NEGR1: variants seen among roughly 807,000 people sequenced by gnomAD.
NEGR1 encodes the protein IgLON family member 4.
In NEGR1, 10 loss-of-function variants were observed where a neutral mutation model predicts 40.9. The ratio of observed to expected loss-of-function variants is 0.24; its 90% CI spans 0.15 to 0.42. NEGR1 has a LOEUF of 0.42. NEGR1 is among the 10% of genes least tolerant of loss of function. The pLI is 1.00. For missense variants in NEGR1, 352 were observed against 438.9 expected (o/e 0.80, Z 1.77); for synonymous variants, 185 against 166.8 (o/e 1.11, Z -0.84).
intron 1 of NEGR1, among the ~76,000 whole-genome samples, chr1:72,079,857 A>G (rs1196012075): frequency 6.6e-6 from 1 of 152,134 alleles, no homozygotes; most frequent in Non-Finnish European, 1.5e-5. Context: ...CATTTAATAT[A>G]TATTTGTTAT....
chr1:71,707,736 C>G (rs1368932090), intron 3 of NEGR1, among the ~76,000 whole-genome samples: 1 of 152,060 alleles, frequency 6.6e-6, no homozygotes, highest in Non-Finnish European at 1.5e-5. Context: ...CTTATGCAAT[C>G]ATAGTGGTGG....
chr1:71,484,135 C>T (rs1482409946), intron 6 of NEGR1, among the ~76,000 whole-genome samples: 1 of 151,672 alleles, frequency 6.6e-6, no homozygotes, highest in Non-Finnish European at 1.5e-5. Flanking sequence ...TTGCAAATAT[C>T]AGCTTTTCAT....
intron 1 of NEGR1, among the ~76,000 whole-genome samples, chr1:72,201,848 C>A (rs980477244): frequency 6.6e-6 from 1 of 151,824 alleles, no homozygotes; most frequent in African/African-American, 2.4e-5. Flanking sequence ...ATCAACCAAC[C>A]TTAATATGAC....
intron 6 of NEGR1, among the ~76,000 whole-genome samples, chr1:71,590,018 A>G (rs545562848): frequency 6.6e-6 from 1 of 152,186 alleles, no homozygotes; most frequent in South Asian, 2.1e-4. Flanking sequence ...ATTGTTTCAT[A>G]CTGCCATGTC....
chr1:71,479,712 T>C (rs768338936), intron 6 of NEGR1, among the ~76,000 whole-genome samples: 3 of 152,006 alleles, frequency 2.0e-5, no homozygotes, highest in Non-Finnish European at 4.4e-5. Flanking sequence ...TCTTTATTTA[T>C]AGGTATTAGA....
chr1:72,029,529 A>C (rs1181306754), intron 1 of NEGR1, among the ~76,000 whole-genome samples: 1 of 152,210 alleles, frequency 6.6e-6, no homozygotes, highest in South Asian at 2.1e-4. Context: ...GTGTGCCTGT[A>C]ACGGAGTCAT....
intron 1 of NEGR1, among the ~76,000 whole-genome samples, chr1:72,247,266 T>G (rs1654932547): frequency 1.3e-5 from 2 of 152,214 alleles, no homozygotes; most frequent in South Asian, 4.1e-4. Flanking sequence ...TTAAATTTCT[T>G]TAAAGAAAAA....
At position 72,163,344 on chromosome 1, in the gene NEGR1, C is replaced by G. The variant is rs185621783; in HGVS notation, c.176+118975G>C. Reference sequence around the variant, plus strand: ...TATGACGTGAAGTTAACAATAAAATCTTTTTATTAACTACTGTATGCATTT... The same window carrying G: ...TATGACGTGAAGTTAACAATAAAATGTTTTTATTAACTACTGTATGCATTT... On this transcript the variant is annotated intron_variant, in intron 1 of 6. Transcript: ENST00000357731. Among the ~76,000 whole-genome samples, 3 of 152,188 alleles carry G rather than the reference C, an allele frequency of 2.0e-5. No individual in the cohort carries two copies. In the East Asian group the frequency reaches 5.8e-4, roughly 29 times the overall value.
chr1:72,110,446 C>G (rs1649316086), intron 1 of NEGR1, among the ~76,000 whole-genome samples: 1 of 151,428 alleles, frequency 6.6e-6, no homozygotes, highest in Non-Finnish European at 1.5e-5. Context: ...AAGAAAGAGT[C>G]TTTCTTAGGT....
chr1:72,255,451 C>CTTCA (rs1410096362), intron 1 of NEGR1, among the ~76,000 whole-genome samples: 1 of 151,698 alleles, frequency 6.6e-6, no homozygotes, highest in Non-Finnish European at 1.5e-5. Context: ...ACAACAGTAT[C>CTTCA]TTCATTCATC....
intron 2 of NEGR1, among the ~76,000 whole-genome samples, chr1:71,864,501 A>G (rs766768330): frequency 2.5e-4 from 38 of 152,206 alleles, no homozygotes; most frequent in Non-Finnish European, 5.1e-4. Flanking sequence ...AATTGTGACT[A>G]AAGTAATTTT....
At chr1:72,168,066 C>T (rs927522681) in intron 1 of NEGR1, among the ~76,000 whole-genome samples, 12 of 150,284 alleles carry the variant, frequency 8.0e-5, no homozygotes, top group African/African-American at 2.7e-4. Flanking sequence ...AGTGCAGTGG[C>T]GTGATCTCGG....
In NEGR1 at chr1:71,448,052, A is replaced by G. The variant is rs1211773051; in HGVS notation, c.941-40482T>C. On this transcript the variant is annotated intron_variant, in intron 6 of 6. Transcript: ENST00000357731. ...ATGGGAAAGAACAAACTGACTTAAG[A>G]GAAAGACTGTATAAACTTTTCTTTT... Among the ~76,000 whole-genome samples, 6 of 152,210 alleles carry G rather than the reference A, an allele frequency of 3.9e-5. No homozygotes were observed. The East Asian group carries it at 9.6e-4, about 24-fold the overall frequency.
chr1:72,127,504 TTTGTTATATAATATTATTTA>T (rs1258736066), intron 1 of NEGR1, among the ~76,000 whole-genome samples: 2 of 144,780 alleles, frequency 1.4e-5, no homozygotes, highest in Non-Finnish European at 3.0e-5. Flanking sequence ...AGAATTGCAA[TTTGTTATATAATATTATTTA>T]TCACCTCTAT....
intron 1 of NEGR1, among the ~76,000 whole-genome samples, chr1:72,006,730 C>A (rs1218058375): frequency 6.6e-6 from 1 of 151,666 alleles, no homozygotes; most frequent in East Asian, 1.9e-4. Flanking sequence ...ATCTCTACTG[C>A]TAATGTATTC....
chr1:72,008,319 C>A (rs1342494150), intron 1 of NEGR1, among the ~76,000 whole-genome samples: 1 of 152,086 alleles, frequency 6.6e-6, no homozygotes, highest in Admixed American at 6.6e-5. Context: ...TGGTGCTGCT[C>A]TTTCCATCAT....
chr1:72,101,240 G>C (rs1648926226), intron 1 of NEGR1, among the ~76,000 whole-genome samples: 1 of 152,032 alleles, frequency 6.6e-6, no homozygotes, highest in Non-Finnish European at 1.5e-5. Context: ...AACAAAATCA[G>C]TAACAAAATA....
intron 6 of NEGR1, among the ~76,000 whole-genome samples, chr1:71,582,497 A>G (rs1303842749): frequency 1.3e-5 from 2 of 152,154 alleles, no homozygotes; most frequent in African/African-American, 2.4e-5. Flanking sequence ...TAATAGCAGC[A>G]TATTATTTTG....
chr1:72,127,544 A>G (rs1383126693), intron 1 of NEGR1, among the ~76,000 whole-genome samples: 1 of 151,428 alleles, frequency 6.6e-6, no homozygotes, highest in Non-Finnish European at 1.5e-5. Context: ...TAAACTTTAA[A>G]AAAGCTTTCA....
Sources: gnomAD v4.1 joint callset for allele counts (sites outside exome capture counted in the v4.1 genomes callset) on GRCh38, gnomAD v4.1.1 for gene constraint, MANE v1.5 for transcripts, NCBI Gene and HGNC (gene_info 2026-07-23, HGNC 2026-07-21) for gene names.